Variants in SPTA1 observed in about 807,000 individuals in gnomAD.
SPTA1 encodes spectrin alpha, erythrocytic 1.
Under a neutral mutation model 324.7 loss-of-function variants are expected in SPTA1, and 177 were observed. The ratio of observed to expected loss-of-function variants is 0.55; its 90% confidence interval spans 0.48 to 0.62. The LOEUF is 0.62. Among genes scored for constraint, SPTA1 ranks in the 20% least tolerant of loss-of-function variants. The pLI, the probability that SPTA1 is intolerant of heterozygous loss-of-function variation, is 0.00. For synonymous variants in SPTA1, 1,195 were observed against 1,041.3 expected (o/e 1.15, Z -2.84); for missense variants, 3,162 against 2,883.6 (o/e 1.10, Z -2.21).
In SPTA1 at chr1:158,636,103, C is replaced by A. The variant is rs1651051017; in HGVS notation, c.5311-69G>T. The A allele has an allele frequency of 2.5e-6, 4 of 1,613,326 alleles. No homozygotes were observed. The African/African-American group carries it at 5.3e-5, about 22-fold the overall frequency. On this transcript the variant is annotated intron_variant, in intron 37 of 51. Transcript: ENST00000643759. ...TCCCCATTTAGCCATAGTCCCTGAG[C>A]AAAGTATCTAGCCCATCCTACCCTC...
chr1:158,655,719 C>T (rs925191935), intron 20 of SPTA1, among the ~76,000 whole-genome samples: 11 of 152,204 alleles, frequency 7.2e-5, no homozygotes, highest in Admixed American at 2.6e-4. Flanking sequence ...CTCTTTTTTT[C>T]TACCACTACA....
chr1:158,642,760 C>A (rs1022434610), intron 32 of SPTA1, 54 bp downstream of exon 32: 2 of 1,613,132 alleles, frequency 1.2e-6, no homozygotes, highest in Non-Finnish European at 1.7e-6. Context: ...GATGACTATC[C>A]AACCAACAAG....
rs575200288 is a variant in SPTA1, at chr1:158,685,141, G to A, written c.231C>T (p.Thr77=). ...TAGTTGGGTCTTCATAGCTCTTATC[G>A]GTTAAGATATTGACTTTCTCCATGA... ...KWIMEKVNIL[T]DKSYEDPTNI... Residue 77 remains threonine (T), a synonymous_variant, in exon 2 of 52, where the codon ACC becomes ACT. Coordinates refer to ENST00000643759, the MANE Select transcript of SPTA1 (RefSeq NM_003126.4). 4.0e-5 allele frequency: 65 copies of A among 1,613,490 alleles called. No homozygotes were observed. Among genetic ancestry groups the A allele is most frequent in the East Asian group, 3.3e-4 (15 of 44,880 alleles).
At chr1:158,623,447 A>T (rs931975734) in intron 42 of SPTA1, among the ~76,000 whole-genome samples, 2 of 152,190 alleles carry the variant, frequency 1.3e-5, no homozygotes, top group Non-Finnish European at 2.9e-5. Context: ...TCCCCACCCA[A>T]ATCTCAAGTT....
Position 158,674,522 on chromosome 1 carries a change from G to A in SPTA1, c.1248+18C>T, listed in dbSNP as rs747487661. ...ATAACCTGCCCCCTCCTCCTACTGG[G>A]CAGCCTTTCTTCTCTACCTTATGCT... On this transcript the variant is annotated intron_variant, in intron 9 of 51. Transcript: ENST00000643759. 1.2e-6 allele frequency: 2 copies of A among 1,614,022 alleles called. No individual in the cohort carries two copies. The highest frequency in any genetic ancestry group is 3.3e-5 in the Admixed American group (2 of 60,012).
intron 42 of SPTA1, among the ~76,000 whole-genome samples, 165 bp downstream of exon 42, chr1:158,625,979 TGA>T (rs927155058): frequency 6.6e-6 from 1 of 151,786 alleles, no homozygotes; most frequent in Non-Finnish European, 1.5e-5. Context: ...GCAAGATTCA[TGA>T]GAGAGAGGGA....
At chr1:158,618,744 G>A (rs1202044621) in intron 45 of SPTA1, among the ~76,000 whole-genome samples, 1 of 152,126 alleles carries the variant, frequency 6.6e-6, no homozygotes, top group Non-Finnish European at 1.5e-5. Context: ...TTCTGCTTCT[G>A]GTTATGCCAG....
intron 39 of SPTA1, among the ~76,000 whole-genome samples, chr1:158,632,139 T>C (rs572223688): frequency 6.6e-6 from 1 of 152,276 alleles, no homozygotes; most frequent in African/African-American, 2.4e-5. Flanking sequence ...TTATGCAACA[T>C]TTAACAACAT....
At chr1:158,673,090 C>T (rs1387029058) in intron 10 of SPTA1, among the ~76,000 whole-genome samples, 2 of 152,132 alleles carry the variant, frequency 1.3e-5, no homozygotes, top group South Asian at 2.1e-4. Flanking sequence ...CACTGCACTC[C>T]AGCCTGGGGG....
At chr1:158,679,962 A>G (rs1400159144) in intron 5 of SPTA1, among the ~76,000 whole-genome samples, 1 of 152,178 alleles carries the variant, frequency 6.6e-6, no homozygotes, top group Non-Finnish European at 1.5e-5. Flanking sequence ...ATAGAGCTGC[A>G]ATCATAATGA....
At chr1:158,676,336 T>A (rs1654392904) in intron 7 of SPTA1, 41 bp from the exon 8 acceptor site, 1 of 1,610,558 alleles carries the variant, frequency 6.2e-7, no homozygotes, top group African/African-American at 1.3e-5. Context: ...ATCCAAGTAC[T>A]CTGACTCCCC....
intron 19 of SPTA1, 95 bp downstream of exon 19, chr1:158,657,382 A>G: frequency 7.8e-7 from 1 of 1,286,736 alleles, no homozygotes; most frequent in Non-Finnish European, 1.1e-6. Context: ...AATCTGGCAG[A>G]ATCTGTAGCT....
At position 158,611,283 on chromosome 1, in the gene SPTA1, T is replaced by C. The variant is rs776797243; in HGVS notation, c.7241A>G (p.Asn2414Ser). Residue 2414 changes from asparagine (N) to serine (S), a missense_variant, in exon 52 of 52, where the codon AAT becomes AGT. By Grantham distance (46) the Asn-to-Ser change is conservative (BLOSUM62 1). Coordinates refer to ENST00000643759, the MANE Select transcript of SPTA1 (RefSeq NM_003126.4). Reference protein sequence around the residue: ...LSGYDYVGFTNSYFGN With the variant: ...LSGYDYVGFTSSYFGN The stretch of plus-strand genomic sequence containing the variant: ...TGCTTATTAGTTGCCAAAGTAGGAA[T>C]TGGTGAAGCCAACGTAGTCATAGCC... The C allele has an allele frequency of 3.3e-5, 54 of 1,613,652 alleles. No homozygotes were observed. The East Asian group carries it at 3.6e-4, about 11-fold the overall frequency.
chr1:158,613,970 C>A, intron 49 of SPTA1, 103 bp from the exon 50 acceptor site: 1 of 1,338,172 alleles, frequency 7.5e-7, no homozygotes, highest in Non-Finnish European at 1.0e-6. Flanking sequence ...GCTTTATTGA[C>A]CTGTCACAAA....
rs1056032008 is a variant in SPTA1 at position 158,650,759 on chromosome 1, A to T, written c.3477+608T>A. 2.0e-5 allele frequency among the ~76,000 whole-genome samples: 3 copies of T among 152,238 alleles called. No homozygotes were observed. The East Asian group carries it at 5.8e-4, about 29-fold the overall frequency. ...ATTTTAGATCAGTTCAAATGTATAT[A>T]TTCCAAAATTGCAGTTCAAATTCAA... On this transcript the variant is annotated intron_variant, in intron 24 of 51. Transcript: ENST00000643759.
intron 45 of SPTA1, among the ~76,000 whole-genome samples, chr1:158,618,607 GT>G (rs1236080212): frequency 6.6e-6 from 1 of 152,136 alleles, no homozygotes; most frequent in East Asian, 1.9e-4. Context: ...TGTGACATAT[GT>G]TATCTTCAGG....
intron 33 of SPTA1, among the ~76,000 whole-genome samples, chr1:158,641,125 G>A (rs2101823324): frequency 6.6e-6 from 1 of 151,768 alleles, no homozygotes; most frequent in South Asian, 2.1e-4. Flanking sequence ...GCTGAAACTG[G>A]ATCCTTTCCT....
intron 39 of SPTA1, among the ~76,000 whole-genome samples, chr1:158,633,682 A>G (rs1285925570): frequency 6.6e-6 from 1 of 151,338 alleles, no homozygotes; most frequent in Non-Finnish European, 1.5e-5. Flanking sequence ...AAAAAAAGAA[A>G]AGAAAAAAGA....
At position 158,613,729 on chromosome 1, in the gene SPTA1, A is replaced by G; in HGVS notation, c.6981T>C (p.Asp2327=). 2 of 1,613,680 alleles carry G rather than the reference A, an allele frequency of 1.2e-6. No individual in the cohort carries two copies. The highest frequency in any genetic ancestry group is 1.7e-6 in the Non-Finnish European group (2 of 1,179,750). ...PKFEKFLDAV[D]PGRKGYVSLE... ...CTTAGTCTTGTTCCTACCTCCCTGG[A>G]TCCACAGCATCCAGGAACTTCTCAA... The change falls in exon 50 of 52, where the codon GAT becomes GAC. Residue 2327 remains aspartate, a synonymous_variant. Coordinates refer to ENST00000643759, the MANE Select transcript of SPTA1 (RefSeq NM_003126.4).
Sources: gnomAD v4.1 joint callset for allele counts (sites outside exome capture counted in the v4.1 genomes callset) on GRCh38, gnomAD v4.1.1 for gene constraint, MANE v1.5 for transcripts, NCBI Gene and HGNC (gene_info 2026-07-23, HGNC 2026-07-21) for gene names.